CPSF7: variants seen among roughly 807,000 people sequenced by gnomAD.
CPSF7 encodes the protein cleavage and polyadenylation specificity factor subunit 7.
Under a neutral mutation model 44.3 loss-of-function variants are expected in CPSF7, and 1 was observed. The ratio of observed to expected loss-of-function variants is 0.02; its 90% CI spans 0.01 to 0.11. The LOEUF (loss-of-function observed/expected upper bound fraction) is 0.11. CPSF7 is among the 10% of genes least tolerant of loss of function. CPSF7 has a pLI of 1.00. For missense variants in CPSF7, 443 were observed against 607.2 expected (o/e 0.73, Z 2.84); for synonymous variants, 202 against 222.0 (o/e 0.91, Z 0.80).
chr11:61,417,984 G>C (rs1039288843), intron 5 of CPSF7, among the ~76,000 whole-genome samples: 1 of 152,184 alleles, frequency 6.6e-6, no homozygotes, highest in Non-Finnish European at 1.5e-5. Context: ...GAAGTAGAAC[G>C]TTACCCCCAA....
chr11:61,419,830 T>TCC (rs1228674981), intron 5 of CPSF7, 119 bp downstream of exon 5: 1 of 1,224,436 alleles, frequency 8.2e-7, no homozygotes, highest in Non-Finnish European at 1.1e-6. Context: ...ACCATCACCC[T>TCC]CCCCCAAACT....
intron 9 of CPSF7, among the ~76,000 whole-genome samples, chr11:61,409,942 C>T (rs1565100258): frequency 6.6e-6 from 1 of 151,736 alleles, no homozygotes; most frequent in South Asian, 2.1e-4. Context: ...TATACTCCAG[C>T]GTGGGCGGCA....
chr11:61,420,499 T>C lies in CPSF7; in HGVS notation c.348A>G (p.Ala116=), dbSNP rs1860762128. The C allele has an allele frequency of 1.2e-6, 2 of 1,614,072 alleles. No individual in the cohort carries two copies. Among genetic ancestry groups the C allele is most frequent in the Non-Finnish European group, 1.7e-6 (2 of 1,179,944 alleles). ...GVYDVVELKF[A]ENRANGQSKG... ...TGGACTGGCCATTTGCTCGATTCTC[T>C]GCAAATTTCAACTCCACCACATCAT... is the stretch of plus-strand genomic sequence containing the variant. The change falls in exon 4 of 10, where the codon GCA becomes GCG. Residue 116 remains alanine (A), a synonymous_variant. Coordinates refer to ENST00000439958, the MANE Select transcript of CPSF7 (RefSeq NM_001142565.3).
intron 3 of CPSF7, 106 bp downstream of exon 3, chr11:61,421,284 C>T: frequency 9.2e-7 from 1 of 1,092,104 alleles, no homozygotes; most frequent in Non-Finnish European, 1.4e-6. Context: ...GAAATCCAAC[C>T]CCATCAGAGC....
intron 1 of CPSF7, chr11:61,429,712 A>G: frequency 6.6e-7 from 1 of 1,515,096 alleles, no homozygotes; most frequent in Non-Finnish European, 8.8e-7. Context: ...ACCCAGGCCT[A>G]CTCTTCGCCC....
At chr11:61,417,072 G>A (rs887124520) in intron 5 of CPSF7, among the ~76,000 whole-genome samples, 1 of 152,100 alleles carries the variant, frequency 6.6e-6, no homozygotes, top group Non-Finnish European at 1.5e-5. Flanking sequence ...CTAGTAATCA[G>A]GGTGAGAAAG....
chr11:61,416,568 C>A (rs1265667592), intron 5 of CPSF7, 49 bp from the exon 6 acceptor site: 1 of 1,572,430 alleles, frequency 6.4e-7, no homozygotes, highest in Admixed American at 1.7e-5. Flanking sequence ...TTACACAAAC[C>A]CACAGGACCA....
At chr11:61,412,905 G>C (rs1233044122) in intron 7 of CPSF7, among the ~76,000 whole-genome samples, 1 of 152,188 alleles carries the variant, frequency 6.6e-6, no homozygotes, top group Non-Finnish European at 1.5e-5. Context: ...AAAAATTCTG[G>C]AGGAATATAA....
Position 61,429,303 on chromosome 11 carries a change from G to T in CPSF7, c.-55-13C>A. The T allele has an allele frequency of 1.3e-6, 2 of 1,537,886 alleles. No individual in the cohort carries two copies. Among genetic ancestry groups the T allele is most frequent in the Non-Finnish European group, 1.8e-6 (2 of 1,110,934 alleles). On this transcript the variant is annotated splice_polypyrimidine_tract_variant and intron_variant, in intron 1 of 9. Transcript: ENST00000439958. ...AAGGAAGATGCCACTGCGGGATTCG[G>T]AAAAATGCAAGAATTAGAAGGCACG...
At position 61,403,570 on chromosome 11, in the gene CPSF7, A is replaced by T. The variant is rs1859059668; in HGVS notation, c.*1140T>A. 6.6e-6 allele frequency: 1 copy of T among 152,202 alleles called. No individual in the cohort carries two copies. The highest frequency in any genetic ancestry group is 6.5e-5 in the Admixed American group (1 of 15,280). The allele number at this position is 152,202 out of a possible 1,614,324, so 9.4% of individuals were successfully genotyped here. A position where few individuals can be genotyped will look rare whatever the true frequency, so the allele number is the denominator to read the frequency against. The stretch of plus-strand genomic sequence containing the variant: ...ATCTCCAGGCAGAGTGAGAGGAGCT[A>T]TTAAGTCAACAGTCAAAAGGTGAAA... On this transcript the variant is annotated 3_prime_UTR_variant, in exon 10 of 10. Coordinates refer to ENST00000439958, the MANE Select transcript of CPSF7 (RefSeq NM_001142565.3).
intron 9 of CPSF7, chr11:61,406,027 T>C (rs915066881): frequency 1.1e-4 from 17 of 152,252 alleles, no homozygotes; most frequent in Admixed American, 1.1e-3. Flanking sequence ...AGAATGACTA[T>C]ATTTCAAGTA....
Position 61,419,406 on chromosome 11 carries a change from T to C in CPSF7, c.523+543A>G, listed in dbSNP as rs147847906. Among the ~76,000 whole-genome samples, 24 of 152,338 alleles carry C rather than the reference T, an allele frequency of 1.6e-4. 1 individual carries two copies. In the East Asian group the frequency reaches 4.6e-3, roughly 29 times the overall value. On this transcript the variant is annotated intron_variant, in intron 5 of 9. Coordinates refer to ENST00000439958, the MANE Select transcript of CPSF7 (RefSeq NM_001142565.3). ...AAAGAGCACCCTCTCCCCTGGACAA[T>C]GCTGGAGAAATATTGTTCAAGTCTT...
At chr11:61,418,892 T>C (rs749537614) in intron 5 of CPSF7, among the ~76,000 whole-genome samples, 2 of 152,032 alleles carry the variant, frequency 1.3e-5, no homozygotes, top group Non-Finnish European at 2.9e-5. Flanking sequence ...TTAAGTTTTG[T>C]ATTTTTAGTA....
intron 3 of CPSF7, 54 bp from the exon 4 acceptor site, chr11:61,420,627 G>A (rs1860773831): frequency 8.7e-6 from 12 of 1,375,122 alleles, no homozygotes; most frequent in Admixed American, 1.7e-5. Flanking sequence ...ACCCCCGCCC[G>A]CCAATGTCCC....
chr11:61,419,893 C>T (rs370535995), intron 5 of CPSF7, 56 bp downstream of exon 5: 4 of 1,594,694 alleles, frequency 2.5e-6, no homozygotes, highest in Admixed American at 1.7e-5. Flanking sequence ...CACAAACACC[C>T]CCCCCTCATA....
chr11:61,429,469 G>A, intron 1 of CPSF7, 179 bp from the exon 2 acceptor site: 2 of 504,102 alleles, frequency 4.0e-6, no homozygotes, highest in South Asian at 5.8e-5. Context: ...AGGCCGCCGG[G>A]GGTCGCTGCC....
chr11:61,407,100 AGT>A (rs1190488747), intron 9 of CPSF7, among the ~76,000 whole-genome samples: 2 of 152,196 alleles, frequency 1.3e-5, no homozygotes, highest in Non-Finnish European at 2.9e-5. Context: ...AATAATGCAA[AGT>A]GACAGCTAAA....
Position 61,402,886 on chromosome 11 carries a change from AAAAAC to A in CPSF7, c.*1819_*1823del, listed in dbSNP as rs1266218858. The A allele has an allele frequency of 6.6e-6, 1 of 152,548 alleles. No individual in the cohort carries two copies. Among genetic ancestry groups the A allele is most frequent in the Non-Finnish European group, 1.5e-5 (1 of 68,026 alleles). 9.4% of individuals were successfully genotyped at this position (152,548 alleles called of 1,614,324 possible). On this transcript the variant is annotated 3_prime_UTR_variant, in exon 10 of 10. Transcript: ENST00000439958. ...AAAACTAAAAATGGTGTCATTGAGT[AAAAAC>A]AAAACAAATGGGGAGAAAAAAATTC...
In CPSF7 at chr11:61,406,481, A is replaced by T. The variant is rs187068494; in HGVS notation, c.*6-1777T>A. On this transcript the variant is annotated intron_variant, in intron 9 of 9. Transcript: ENST00000439958. The stretch of plus-strand genomic sequence containing the variant: ...GATGGAATTAAGAGTCCTTAGGGTG[A>T]GAATGTAAGAAATTGACATTCTTGG... Among the ~76,000 whole-genome samples, 44 of 152,314 alleles carry T rather than the reference A, an allele frequency of 2.9e-4. 1 individual carries two copies. The highest frequency in any genetic ancestry group is 6.8e-3 in the Middle Eastern group (2 of 294).
Sources: gnomAD v4.1 joint callset for allele counts (sites outside exome capture counted in the v4.1 genomes callset) on GRCh38, gnomAD v4.1.1 for gene constraint, MANE v1.5 for transcripts, NCBI Gene and HGNC (gene_info 2026-07-23, HGNC 2026-07-21) for gene names.